Variants in IGF1R observed in about 807,000 individuals in gnomAD.
IGF1R encodes insulin like growth factor 1 receptor.
In IGF1R, 44 loss-of-function variants were observed where a neutral mutation model predicts 144.6. The ratio of observed to expected loss-of-function variants is 0.30; its 90% CI spans 0.24 to 0.39. IGF1R has a LOEUF of 0.39. Ranked by LOEUF, IGF1R falls within the 10% of genes least tolerant of loss-of-function variation. IGF1R has a pLI of 1.00. For missense variants in IGF1R, 1,355 were observed against 1,833.7 expected, an observed-to-expected ratio of 0.74 and a Z score of 4.77; for synonymous variants, 795 against 722.8, an observed-to-expected ratio of 1.10 and a Z score of -1.60.
chr15:98,748,255 C>T (rs753366968), intron 2 of IGF1R, among the ~76,000 whole-genome samples: 3 of 152,226 alleles, frequency 2.0e-5, no homozygotes, highest in East Asian at 3.8e-4. Flanking sequence ...GGACCTCAAA[C>T]ACCTGGGTTC....
At chr15:98,858,933 T>G (rs529016624) in intron 2 of IGF1R, among the ~76,000 whole-genome samples, 13 of 152,176 alleles carry the variant, frequency 8.5e-5, no homozygotes, top group Non-Finnish European at 1.8e-4. Flanking sequence ...CCAGTAAGCC[T>G]CCTCAATGGC....
rs567231848 is a variant in IGF1R, at chr15:98,761,579, C to T, written c.640+53472C>T. Among the ~76,000 whole-genome samples the T allele has an allele frequency of 1.2e-4, 19 of 152,346 alleles. 3 individuals are homozygous for T. The South Asian group carries it at 3.5e-3, about 28-fold the overall frequency. On this transcript the variant is annotated intron_variant, in intron 2 of 20. Coordinates refer to ENST00000650285, the MANE Select transcript of IGF1R (RefSeq NM_000875.5). ...GTGTGCAGGTACTACCACTCACTGTCACCTCCAGGCAGGAAAGGCCATGTG... is the reference window on the plus strand; with the variant it reads ...GTGTGCAGGTACTACCACTCACTGTTACCTCCAGGCAGGAAAGGCCATGTG...
intron 2 of IGF1R, among the ~76,000 whole-genome samples, chr15:98,827,269 T>C (rs2056911394): frequency 6.6e-6 from 1 of 152,172 alleles, no homozygotes; most frequent in South Asian, 2.1e-4. Context: ...ACATAGGCAT[T>C]TTTAGCCACC....
rs2016420621 is a variant in IGF1R at position 98,942,955 on chromosome 15, G to C, written c.3490G>C (p.Asp1164His). The change falls in exon 19 of 21, where the codon GAC becomes CAC. Residue 1164 changes from aspartate (D) to histidine (H), a missense_variant. Physicochemically the swap from Asp to His is moderately conservative, Grantham distance 81. Coordinates refer to ENST00000650285, the MANE Select transcript of IGF1R (RefSeq NM_000875.5). Reference protein sequence around the residue: ...FGMTRDIYETDYYRKGGKGLL... With the variant: ...FGMTRDIYETHYYRKGGKGLL... ...TATGACGCGAGATATCTATGAGACA[G>C]ACTATTACCGGAAAGGAGGGAAAGG... is the stretch of plus-strand genomic sequence containing the variant. The C allele has an allele frequency of 6.2e-7, 1 of 1,614,196 alleles. No individual in the cohort carries two copies. The highest frequency in any genetic ancestry group is 8.5e-7 in the Non-Finnish European group (1 of 1,180,018).
In IGF1R at chr15:98,648,555, G is replaced by T; in HGVS notation, c.-1027G>T. 6.8e-6 allele frequency among the ~76,000 whole-genome samples: 1 copy of T among 146,274 alleles called. No individual in the cohort carries two copies. The highest frequency in any genetic ancestry group is 2.0e-4 in the East Asian group (1 of 4,984). On this transcript the variant is annotated 5_prime_UTR_variant, in exon 1 of 21. Transcript: ENST00000650285. ...CGAGCCCCCAGTGTGTGGCAGCGGC[G>T]GCGGCGGCGCGGCGAGGCTGGGGCT... is the stretch of plus-strand genomic sequence containing the variant.
At chr15:98,868,838 A>T (rs922448062) in intron 2 of IGF1R, among the ~76,000 whole-genome samples, 14 of 152,136 alleles carry the variant, frequency 9.2e-5, no homozygotes, top group African/African-American at 3.4e-4. Flanking sequence ...CTACTACTAA[A>T]CATTCATTCT....
At position 98,749,167 on chromosome 15, in the gene IGF1R, C is replaced by CT. The variant is rs10609630; in HGVS notation, c.640+41074dup. ...TAGTTGCAGTAGAATTTAATAAATC[C>CT]TTTTTTTTTTTTTTACAGAATAAAT... On this transcript the variant is annotated intron_variant, in intron 2 of 20. Transcript: ENST00000650285. 7.0e-3 allele frequency among the ~76,000 whole-genome samples: 1,050 copies of CT among 149,196 alleles called. 12 individuals are homozygous for CT. Among genetic ancestry groups the CT allele is most frequent in the African/African-American group, 0.024 (964 of 40,566 alleles).
intron 17 of IGF1R, among the ~76,000 whole-genome samples, chr15:98,936,734 T>C (rs1324670379): frequency 6.6e-6 from 1 of 152,062 alleles, no homozygotes; most frequent in Non-Finnish European, 1.5e-5. Flanking sequence ...CAGCACATGG[T>C]GTTTGGGGCC....
At position 98,959,049 on chromosome 15, in the gene IGF1R, C is replaced by T. The variant is rs930762904; in HGVS notation, c.*1607C>T. 6.9e-5 allele frequency: 16 copies of T among 233,158 alleles called. No individual in the cohort carries two copies. The highest frequency in any genetic ancestry group is 2.9e-4 in the African/African-American group (13 of 45,324). 14.4% of individuals were successfully genotyped at this position (233,158 alleles called of 1,614,324 possible). A position where few individuals can be genotyped will look rare whatever the true frequency, so the allele number is the denominator to read the frequency against. ...CCAGCCTGCCCTCACAGCATTGGAG[C>T]CTGTTACAGTGCAAGACATGATACA... On this transcript the variant is annotated 3_prime_UTR_variant, in exon 21 of 21. Coordinates refer to ENST00000650285, the MANE Select transcript of IGF1R (RefSeq NM_000875.5).
intron 2 of IGF1R, among the ~76,000 whole-genome samples, chr15:98,772,909 C>G (rs2055624059): frequency 6.6e-6 from 1 of 152,062 alleles, no homozygotes; most frequent in Non-Finnish European, 1.5e-5. Flanking sequence ...TAGAATCATT[C>G]TTTTTCTAAG....
chr15:98,724,914 C>T (rs528299498), intron 2 of IGF1R, among the ~76,000 whole-genome samples: 5 of 152,330 alleles, frequency 3.3e-5, no homozygotes, highest in African/African-American at 1.2e-4. Context: ...CTCTGTACTC[C>T]ATGGGCATTT....
At chr15:98,666,811 G>A (rs2052753229) in intron 1 of IGF1R, among the ~76,000 whole-genome samples, 1 of 152,226 alleles carries the variant, frequency 6.6e-6, no homozygotes. Context: ...AAAAGTTCTA[G>A]AGGTGGATGG....
chr15:98,869,300 A>AAAC (rs926256577), intron 2 of IGF1R, among the ~76,000 whole-genome samples: 7 of 150,558 alleles, frequency 4.6e-5, no homozygotes, highest in Non-Finnish European at 7.4e-5. Flanking sequence ...TAAAAAAAAC[A>AAAC]AACAACAACA....
In IGF1R at chr15:98,948,700, T is replaced by C. The variant is rs2151726802; in HGVS notation, c.3714T>C (p.Pro1238=). The C allele has an allele frequency of 6.2e-7, 1 of 1,614,134 alleles. No homozygotes were observed. The highest frequency in any genetic ancestry group is 2.2e-5 in the East Asian group (1 of 44,866). The change falls in exon 20 of 21, where the codon CCT becomes CCC. Residue 1238 remains proline (P), a synonymous_variant. Transcript: ENST00000650285. The part of the protein sequence containing the change: ...GGLLDKPDNC[P]DMLFELMRMC... The stretch of plus-strand genomic sequence containing the variant: ...TTCTGGACAAGCCAGACAACTGTCC[T>C]GACATGCTGTACGTACTTCCTGGGC...
intron 2 of IGF1R, among the ~76,000 whole-genome samples, chr15:98,820,616 A>G (rs1307447449): frequency 1.3e-5 from 2 of 152,202 alleles, no homozygotes; most frequent in East Asian, 3.8e-4. Context: ...TACTTGGTAT[A>G]AAGATACTTA....
At chr15:98,845,959 T>C (rs974274769) in intron 2 of IGF1R, among the ~76,000 whole-genome samples, 5 of 152,342 alleles carry the variant, frequency 3.3e-5, no homozygotes, top group Admixed American at 2.0e-4. Flanking sequence ...TGCAACAATA[T>C]CCTTGGTTTG....
At chr15:98,714,090 G>T (rs1303432387) in intron 2 of IGF1R, among the ~76,000 whole-genome samples, 2 of 152,148 alleles carry the variant, frequency 1.3e-5, no homozygotes, top group Non-Finnish European at 2.9e-5. Context: ...GCAGTAAATG[G>T]CTGTTTTTAT....
chr15:98,935,245 G>A lies in IGF1R; in HGVS notation c.3187-71G>A. 2.7e-6 allele frequency: 3 copies of A among 1,105,632 alleles called. No individual in the cohort carries two copies. The highest frequency in any genetic ancestry group is 4.0e-6 in the Non-Finnish European group (3 of 745,596). The allele number at this position is 1,105,632 out of a possible 1,614,324, so 68.5% of individuals were successfully genotyped here. Reference sequence around the variant, plus strand: ...ACCAGGCCGCAGCACCACAGAGACAGTTCCAGACAACACAGGCATCAGCAA... The same window carrying A: ...ACCAGGCCGCAGCACCACAGAGACAATTCCAGACAACACAGGCATCAGCAA... On this transcript the variant is annotated intron_variant, in intron 16 of 20. Coordinates refer to ENST00000650285, the MANE Select transcript of IGF1R (RefSeq NM_000875.5). The surrounding 1 kb of genome is among the most constrained non-coding windows in gnomAD (Gnocchi z 4.2).
chr15:98,837,298 G>C (rs965658475), intron 2 of IGF1R, among the ~76,000 whole-genome samples: 5 of 152,080 alleles, frequency 3.3e-5, no homozygotes, highest in Non-Finnish European at 7.4e-5. Context: ...GAGTGCAGTG[G>C]CGCAATCTCG....
Sources: gnomAD v4.1 joint callset for allele counts (sites outside exome capture counted in the v4.1 genomes callset) on GRCh38, gnomAD v4.1.1 for gene constraint, Gnocchi (gnomAD v3.1) non-coding constraint, MANE v1.5 for transcripts, NCBI Gene and HGNC (gene_info 2026-07-23, HGNC 2026-07-21) for gene names.